ST7L: variants seen among roughly 807,000 people sequenced by gnomAD.
ST7L encodes the protein suppressor of tumorigenicity 7 protein-like.
A neutral mutation model predicts 72.5 loss-of-function variants in ST7L; 57 were observed. The ratio of observed to expected loss-of-function variants is 0.79; its 90% CI spans 0.64 to 0.98. The LOEUF is 0.98. ST7L is among the 50% of genes least tolerant of loss of function. ST7L has a pLI of 0.00. For synonymous variants in ST7L, 221 were observed against 240.9 expected, an observed-to-expected ratio of 0.92 and a Z score of 0.77; for missense variants, 576 against 672.2, an observed-to-expected ratio of 0.86 and a Z score of 1.58.
intron 12 of ST7L, among the ~76,000 whole-genome samples, chr1:112,555,608 ATTTTCTTTCC>A: frequency 6.6e-6 from 1 of 152,118 alleles, no homozygotes; most frequent in Non-Finnish European, 1.5e-5. Flanking sequence ...CCAAGTTTTC[ATTTTCTTTCC>A]TTACAAATAT....
chr1:112,561,306 C>G (rs1203614355), intron 11 of ST7L, among the ~76,000 whole-genome samples: 1 of 147,928 alleles, frequency 6.8e-6, no homozygotes, highest in Non-Finnish European at 1.5e-5. Context: ...GTGGTACATG[C>G]CTGTAGTCCC....
At chr1:112,584,197 T>C in intron 6 of ST7L, 71 bp from the exon 7 acceptor site, 1 of 1,468,080 alleles carries the variant, frequency 6.8e-7, no homozygotes, top group Non-Finnish European at 9.1e-7. Context: ...TTATGTCCCT[T>C]TGCTCTATGT....
intron 6 of ST7L, among the ~76,000 whole-genome samples, chr1:112,586,459 C>A (rs1038189391): frequency 6.6e-6 from 1 of 151,930 alleles, no homozygotes; most frequent in African/African-American, 2.4e-5. Context: ...AAACAAAAAT[C>A]AAAAACACTA....
chr1:112,619,310 AG>A (rs1274586959), upstream of ST7L: 6 of 612,270 alleles, frequency 9.8e-6, no homozygotes, highest in Admixed American at 1.2e-4. Context: ...GGGGCAGGGA[AG>A]GGGCGGACAG....
intron 4 of ST7L, among the ~76,000 whole-genome samples, chr1:112,600,015 G>A (rs1204760288): frequency 6.6e-6 from 1 of 152,052 alleles, no homozygotes; most frequent in African/African-American, 2.4e-5. Context: ...GACCAACCTT[G>A]GCAACATAGC....
intron 14 of ST7L, chr1:112,539,140 A>C (rs1403692139): frequency 1.3e-5 from 2 of 152,156 alleles, no homozygotes; most frequent in Admixed American, 1.3e-4. Flanking sequence ...CCAAGCTTTA[A>C]ATGTATATAT....
downstream of ST7L, among the ~76,000 whole-genome samples, chr1:112,519,908 C>G (rs912140733): frequency 2.3e-5 from 3 of 131,848 alleles, no homozygotes; most frequent in African/African-American, 8.4e-5. Flanking sequence ...CAGAGTTTCA[C>G]TGTCACCCAG....
chr1:112,530,942 G>C (rs1570854870), intron 14 of ST7L, among the ~76,000 whole-genome samples: 1 of 152,288 alleles, frequency 6.6e-6, no homozygotes, highest in East Asian at 1.9e-4. Flanking sequence ...TTATTTTAGT[G>C]CCTTATCCCA....
At chr1:112,592,661 TATG>T (rs2101963662) in intron 5 of ST7L, among the ~76,000 whole-genome samples, 2 of 152,334 alleles carry the variant, frequency 1.3e-5, no homozygotes, top group African/African-American at 4.8e-5. Context: ...CTATGAGTTA[TATG>T]ATATTTACAG....
chr1:112,538,962 C>T (rs1312708084), intron 14 of ST7L, among the ~76,000 whole-genome samples: 5 of 152,132 alleles, frequency 3.3e-5, no homozygotes, highest in African/African-American at 9.7e-5. Flanking sequence ...GTAACTAACC[C>T]GAGGTTGTAC....
rs1653009935 is a variant in ST7L at position 112,523,739 on chromosome 1, A to C, written c.*2274T>G. The C allele has an allele frequency of 6.6e-6, 1 of 152,222 alleles. No individual in the cohort carries two copies. Among genetic ancestry groups the C allele is most frequent in the African/African-American group, 2.4e-5 (1 of 41,448 alleles). 9.4% of individuals were successfully genotyped at this position (152,222 alleles called of 1,614,324 possible). On this transcript the variant is annotated 3_prime_UTR_variant, in exon 15 of 15. Transcript: ENST00000358039. ...TAAACATTTAGGTATAATACATTAC[A>C]GTAAGTGCTATTTAGATACAAACTT... is the stretch of plus-strand genomic sequence containing the variant.
chr1:112,581,173 T>C (rs1401923698), intron 9 of ST7L, among the ~76,000 whole-genome samples: 4 of 152,170 alleles, frequency 2.6e-5, no homozygotes, highest in Non-Finnish European at 5.9e-5. Context: ...AAAAGCATTG[T>C]AAAAATGTTA....
chr1:112,600,729 T>C, intron 4 of ST7L, 65 bp downstream of exon 4: 2 of 1,390,944 alleles, frequency 1.4e-6, no homozygotes, highest in Non-Finnish European at 2.0e-6. Flanking sequence ...TAAAGACAAA[T>C]GATTTTGTAA....
chr1:112,528,083 G>A (rs1653760362), intron 14 of ST7L: 1 of 152,186 alleles, frequency 6.6e-6, no homozygotes, highest in Non-Finnish European at 1.5e-5. Context: ...GCAGAAGTCT[G>A]AGAATAAAGG....
intron 3 of ST7L, among the ~76,000 whole-genome samples, chr1:112,601,731 G>T (rs1667422667): frequency 6.6e-6 from 1 of 152,108 alleles, no homozygotes; most frequent in African/African-American, 2.4e-5. Context: ...AGCATGGTTA[G>T]GCTAGAGTAC....
chr1:112,615,796 G>A (rs1669774078), intron 2 of ST7L, among the ~76,000 whole-genome samples: 1 of 152,136 alleles, frequency 6.6e-6, no homozygotes, highest in Non-Finnish European at 1.5e-5. Context: ...CTGGAGTGCA[G>A]TGGCAAGATC....
At position 112,525,523 on chromosome 1, in the gene ST7L, G is replaced by A. The variant is rs1365519145; in HGVS notation, c.*490C>T. 6.5e-6 allele frequency: 1 copy of A among 153,648 alleles called. No individual in the cohort carries two copies. Among genetic ancestry groups the A allele is most frequent in the Non-Finnish European group, 1.4e-5 (1 of 69,016 alleles). 9.5% of individuals were successfully genotyped at this position (153,648 alleles called of 1,614,324 possible). ...TTATATTATCTCTGAGCATCTCGGT[G>A]GCTATTCCTCATTTACTTAAGATGT... On this transcript the variant is annotated 3_prime_UTR_variant, in exon 15 of 15. Transcript: ENST00000358039.
Position 112,553,928 on chromosome 1 carries a change from G to A in ST7L, c.1396+1940C>T, listed in dbSNP as rs541033212. On this transcript the variant is annotated intron_variant, in intron 12 of 14. Transcript: ENST00000358039. The stretch of plus-strand genomic sequence containing the variant: ...CTGTCACCCAAGCTGGAATATAGTA[G>A]TGCCATCTCGGCTCACTAAAGCCTT... Among the ~76,000 whole-genome samples the A allele has an allele frequency of 2.6e-5, 4 of 152,270 alleles. No individual in the cohort carries two copies. In the East Asian group the frequency reaches 7.7e-4, roughly 29 times the overall value.
intron 4 of ST7L, among the ~76,000 whole-genome samples, chr1:112,599,073 A>AAAAATATATATAT (rs1190968815): frequency 1.8e-4 from 10 of 56,990 alleles, no homozygotes; most frequent in East Asian, 9.3e-4. Context: ...AAAAAAAAAA[A>AAAAATATATATAT]ATATATATAT....
Sources: gnomAD v4.1 joint callset for allele counts (sites outside exome capture counted in the v4.1 genomes callset) on GRCh38, gnomAD v4.1.1 for gene constraint, MANE v1.5 for transcripts, NCBI Gene and HGNC (gene_info 2026-07-23, HGNC 2026-07-21) for gene names.